PDE7B: variants seen among roughly 807,000 people sequenced by gnomAD.
PDE7B encodes the protein 3',5'-cyclic-AMP phosphodiesterase 7B.
A neutral mutation model predicts 56.2 loss-of-function variants in PDE7B; 29 were observed. The observed-to-expected ratio is 0.52, with a 90% CI of 0.38 to 0.70. The LOEUF is 0.70. Among genes scored for constraint, PDE7B ranks in the 30% least tolerant of loss-of-function variants. The pLI is 0.00. For missense variants in PDE7B, 490 were observed against 565.0 expected (o/e 0.87, Z 1.35); for synonymous variants, 197 against 196.9 (o/e 1.00, Z 0.00).
intron 2 of PDE7B, among the ~76,000 whole-genome samples, chr6:136,080,725 C>T (rs1777193269): frequency 6.6e-6 from 1 of 152,154 alleles, no homozygotes; most frequent in African/African-American, 2.4e-5. Context: ...GCTCAATAAA[C>T]ATTAATTGAG....
intron 2 of PDE7B, among the ~76,000 whole-genome samples, chr6:135,958,094 T>A (rs1240705934): frequency 6.6e-6 from 1 of 152,034 alleles, no homozygotes; most frequent in Non-Finnish European, 1.5e-5. Context: ...TAGCCAGGTG[T>A]GGTGGCACGT....
chr6:135,937,063 A>C (rs561640732), intron 1 of PDE7B, among the ~76,000 whole-genome samples: 1 of 152,326 alleles, frequency 6.6e-6, no homozygotes, highest in East Asian at 1.9e-4. Flanking sequence ...AAAGTGTTAG[A>C]CATAATTGGG....
intron 1 of PDE7B, among the ~76,000 whole-genome samples, chr6:135,913,932 C>T (rs2128194190): frequency 6.6e-6 from 1 of 152,232 alleles, no homozygotes; most frequent in South Asian, 2.1e-4. Flanking sequence ...CACTTTTTTT[C>T]TGTAACCCAC....
In PDE7B at chr6:136,191,013, C is replaced by CTTTT. The variant is rs752187218; in HGVS notation, c.1127-580_1127-577dup. Among the ~76,000 whole-genome samples, 155 of 99,078 alleles carry CTTTT rather than the reference C, an allele frequency of 1.6e-3. 3 individuals are homozygous for CTTTT. The highest frequency in any genetic ancestry group is 5.2e-3 in the Middle Eastern group (1 of 194). 65.0% of individuals were successfully genotyped at this position (99,078 alleles called of 152,430 possible). On this transcript the variant is annotated intron_variant, in intron 12 of 12. Coordinates refer to ENST00000308191, the MANE Select transcript of PDE7B (RefSeq NM_018945.4). The stretch of plus-strand genomic sequence containing the variant: ...CTGCCTTCTTTAGCTCCAGCATACA[C>CTTTT]TTTTTTTTTTTTTTTTTTTTTTTTA...
intron 2 of PDE7B, among the ~76,000 whole-genome samples, chr6:136,053,760 G>A (rs1484913484): frequency 3.3e-5 from 5 of 152,072 alleles, no homozygotes; most frequent in African/African-American, 1.2e-4. Context: ...TCTAACTGGT[G>A]TGAGATGGTA....
chr6:135,916,393 T>TTTC lies in PDE7B; in HGVS notation c.22-31069_22-31068insCTT, dbSNP rs1554266504. 1.4e-4 allele frequency among the ~76,000 whole-genome samples: 3 copies of TTTC among 20,700 alleles called. No homozygotes were observed. In the African/African-American group the frequency reaches 2.5e-3, roughly 18 times the overall value. 13.6% of individuals were successfully genotyped at this position (20,700 alleles called of 152,430 possible). A position where few individuals can be genotyped will look rare whatever the true frequency, so the allele number is the denominator to read the frequency against. On this transcript the variant is annotated intron_variant, in intron 1 of 12. Transcript: ENST00000308191. ...TTTTTCTTTTCTTTTCTTTTCTTTC[T>TTTC]TTTTTTTTTTTTTTTTTGAGATGGA...
intron 3 of PDE7B, among the ~76,000 whole-genome samples, chr6:136,133,710 AGC>A (rs1299016051): frequency 6.6e-6 from 1 of 152,190 alleles, no homozygotes; most frequent in Non-Finnish European, 1.5e-5. Context: ...GGTTTACAGC[AGC>A]GTGCAGCATC....
chr6:135,935,190 T>TA (rs1774395141), intron 1 of PDE7B, among the ~76,000 whole-genome samples: 1 of 36,192 alleles, frequency 2.8e-5, no homozygotes, highest in African/African-American at 1.2e-4. Flanking sequence ...ATATATTTAT[T>TA]TATATATATA....
At chr6:136,122,757 C>A (rs1031835743) in intron 3 of PDE7B, among the ~76,000 whole-genome samples, 5 of 150,880 alleles carry the variant, frequency 3.3e-5, no homozygotes, top group African/African-American at 1.2e-4. Context: ...CCTCAAGTGA[C>A]ACAAGGGGCA....
chr6:135,967,159 G>A (rs1465346002), intron 2 of PDE7B, among the ~76,000 whole-genome samples: 2 of 152,110 alleles, frequency 1.3e-5, no homozygotes, highest in Non-Finnish European at 2.9e-5. Flanking sequence ...TCTATAATGG[G>A]TAGATTCAAT....
intron 2 of PDE7B, among the ~76,000 whole-genome samples, chr6:135,951,940 A>G (rs1679970482): frequency 6.6e-6 from 1 of 152,182 alleles, no homozygotes; most frequent in African/African-American, 2.4e-5. Context: ...AGAACACCAG[A>G]AAATCAATAT....
rs77318193 is a variant in PDE7B at position 136,047,988 on chromosome 6, G to A, written c.83-60743G>A. 5.4e-3 allele frequency among the ~76,000 whole-genome samples: 816 copies of A among 152,280 alleles called. 5 individuals carry two copies. Among genetic ancestry groups the A allele is most frequent in the Non-Finnish European group, 9.1e-3 (617 of 68,024 alleles). ...GTTTATTCAACTAAGTTTGTTTGGTGCCTATCATGTGCCACATAGTTTCTT... is the reference window on the plus strand; with the variant it reads ...GTTTATTCAACTAAGTTTGTTTGGTACCTATCATGTGCCACATAGTTTCTT... On this transcript the variant is annotated intron_variant, in intron 2 of 12. Coordinates refer to ENST00000308191, the MANE Select transcript of PDE7B (RefSeq NM_018945.4).
At chr6:136,080,607 T>C (rs762302988) in intron 2 of PDE7B, among the ~76,000 whole-genome samples, 2 of 152,246 alleles carry the variant, frequency 1.3e-5, no homozygotes, top group East Asian at 1.9e-4. Flanking sequence ...TTATGAGCCA[T>C]TTTTGTTCAG....
intron 3 of PDE7B, among the ~76,000 whole-genome samples, chr6:136,142,690 C>G (rs191369958): frequency 6.6e-5 from 10 of 152,136 alleles, no homozygotes; most frequent in African/African-American, 9.7e-5. Flanking sequence ...GAATTGATCC[C>G]TTTACCATTA....
chr6:135,976,693 C>A (rs1775192378), intron 2 of PDE7B, among the ~76,000 whole-genome samples: 1 of 152,048 alleles, frequency 6.6e-6, no homozygotes, highest in Non-Finnish European at 1.5e-5. Flanking sequence ...TGTGATATCC[C>A]TTTGCTTAGA....
At chr6:136,093,734 G>A (rs1359590388) in intron 2 of PDE7B, among the ~76,000 whole-genome samples, 5 of 152,200 alleles carry the variant, frequency 3.3e-5, no homozygotes, top group Non-Finnish European at 7.3e-5. Flanking sequence ...CTTGCCACAA[G>A]TGGAATGGGA....
chr6:135,855,585 G>C (rs1775011611), intron 1 of PDE7B, among the ~76,000 whole-genome samples: 1 of 152,176 alleles, frequency 6.6e-6, no homozygotes, highest in African/African-American at 2.4e-5. Context: ...TTGCAATGGT[G>C]TTCTCAAAAA....
At chr6:136,118,576 C>T (rs1777876600) in intron 3 of PDE7B, among the ~76,000 whole-genome samples, 1 of 152,200 alleles carries the variant, frequency 6.6e-6, no homozygotes, top group Non-Finnish European at 1.5e-5. Flanking sequence ...AATAACTCAA[C>T]CAAGGTCACC....
At chr6:136,177,371 A>G (rs916244874) in intron 9 of PDE7B, among the ~76,000 whole-genome samples, 24 of 152,168 alleles carry the variant, frequency 1.6e-4, no homozygotes, top group African/African-American at 5.5e-4. Flanking sequence ...AAAGACAGCT[A>G]AAAGACAAAC....
Sources: gnomAD v4.1 joint callset for allele counts (sites outside exome capture counted in the v4.1 genomes callset) on GRCh38, gnomAD v4.1.1 for gene constraint, MANE v1.5 for transcripts, NCBI Gene and HGNC (gene_info 2026-07-23, HGNC 2026-07-21) for gene names.